The following WWC1 variants were observed in gnomAD, a reference collection of about 807,000 sequenced individuals.
The protein encoded by WWC1 is WW and C2 domain containing 1, also known as protein KIBRA.
Under a neutral mutation model 138.4 loss-of-function variants are expected in WWC1, and 55 were observed. That is an observed-to-expected ratio of 0.40 (90% confidence interval 0.32 to 0.50). The LOEUF (loss-of-function observed/expected upper bound fraction) is 0.50, where lower values mean the gene tolerates loss of function less well. Among genes scored for constraint, WWC1 ranks in the 20% least tolerant of loss-of-function variants. The probability of loss-of-function intolerance (pLI) is 0.72; values close to 1 mark genes in which losing one functional copy is unlikely to be tolerated. For synonymous variants in WWC1, 524 were observed against 564.9 expected (o/e 0.93, Z 1.03); for missense variants, 1,226 against 1,420.4 (o/e 0.86, Z 2.20).
chr5:168,336,466 G>T (rs1773462423), intron 1 of WWC1, among the ~76,000 whole-genome samples: 1 of 151,590 alleles, frequency 6.6e-6, no homozygotes, highest in South Asian at 2.1e-4. Context: ...CAGCTACTAG[G>T]GAGGCTGAGG....
intron 3 of WWC1, among the ~76,000 whole-genome samples, chr5:168,391,293 A>G (rs1363014465): frequency 2.0e-5 from 3 of 152,306 alleles, no homozygotes; most frequent in Admixed American, 2.0e-4. Context: ...CCAGTTACTC[A>G]GGAGGCTGAA....
chr5:168,327,484 A>G (rs964488250), intron 1 of WWC1, among the ~76,000 whole-genome samples: 2 of 152,226 alleles, frequency 1.3e-5, no homozygotes, highest in African/African-American at 4.8e-5. Context: ...TTCATGCCCA[A>G]TTGGCAAGTT....
intron 15 of WWC1, among the ~76,000 whole-genome samples, chr5:168,438,019 G>C (rs188628782): frequency 3.2e-4 from 48 of 152,262 alleles, no homozygotes; most frequent in Admixed American, 3.1e-3. Context: ...TTTATTCTGG[G>C]TGTCTGAAGT....
chr5:168,461,781 C>CAGGCGTG (rs1212561547), intron 20 of WWC1, among the ~76,000 whole-genome samples: 22 of 152,118 alleles, frequency 1.4e-4, no homozygotes. Flanking sequence ...AAAAAGGGGC[C>CAGGCGTG]AGGCGTGGTG....
intron 3 of WWC1, 128 bp from the exon 4 acceptor site, chr5:168,397,595 CT>C: frequency 1.1e-6 from 1 of 874,662 alleles, no homozygotes; most frequent in Admixed American, 2.1e-5. Context: ...ACAAATCCCC[CT>C]TTGTTGAACA....
intron 8 of WWC1, 108 bp downstream of exon 8, chr5:168,410,103 CA>C: frequency 9.2e-7 from 1 of 1,088,410 alleles, no homozygotes; most frequent in Non-Finnish European, 1.4e-6. Flanking sequence ...CTTTAATCCT[CA>C]CAAAGATTAT....
At chr5:168,399,678 GCT>G in intron 5 of WWC1, 111 bp downstream of exon 5, 2 of 1,057,068 alleles carry the variant, frequency 1.9e-6, no homozygotes, top group Non-Finnish European at 2.8e-6. Flanking sequence ...TCAAAATGTG[GCT>G]CTCTCATCAT....
chr5:168,373,271 GT>G (rs1452221375), intron 2 of WWC1, among the ~76,000 whole-genome samples: 2 of 152,102 alleles, frequency 1.3e-5, no homozygotes, highest in Non-Finnish European at 2.9e-5. Flanking sequence ...TCTGGGAGCT[GT>G]TGGAAAAATG....
rs1757534941 is a variant in WWC1 at position 168,468,945 on chromosome 5, T to C, written c.3276-6T>C. ...CCCTGCTCTAAAGGGATGGCCTCTC[T>C]TATAGGGAGAAGATGGCATTTTTCA... On this transcript the variant is annotated splice_polypyrimidine_tract_variant and splice_region_variant and intron_variant, in intron 22 of 22. Transcript: ENST00000265293. The C allele has an allele frequency of 6.2e-7, 1 of 1,614,188 alleles. No individual in the cohort carries two copies. The highest frequency in any genetic ancestry group is 2.2e-5 in the East Asian group (1 of 44,884).
At chr5:168,334,326 C>T (rs13173337) in intron 1 of WWC1, among the ~76,000 whole-genome samples, 129 of 152,256 alleles carry the variant, frequency 8.5e-4, no homozygotes, top group South Asian at 6.8e-3. Context: ...TCTCCGGCCC[C>T]ATCCTGTTTC....
At chr5:168,355,219 C>G (rs983165125) in intron 1 of WWC1, among the ~76,000 whole-genome samples, 1 of 152,038 alleles carries the variant, frequency 6.6e-6, no homozygotes, top group South Asian at 2.1e-4. Flanking sequence ...TCAGGCTGGG[C>G]GTGGTGGCTC....
intron 8 of WWC1, among the ~76,000 whole-genome samples, chr5:168,413,548 G>A (rs1272451923): frequency 6.6e-6 from 1 of 152,182 alleles, no homozygotes; most frequent in Non-Finnish European, 1.5e-5. Flanking sequence ...TCCTTTAACT[G>A]TTATTTAGTG....
chr5:168,433,536 A>G (rs1042507235), intron 15 of WWC1, among the ~76,000 whole-genome samples: 18 of 151,934 alleles, frequency 1.2e-4, no homozygotes, highest in Non-Finnish European at 7.4e-5. Context: ...AGCTCTTTAC[A>G]TGCATTATCT....
chr5:168,343,844 T>C (rs1403810857), intron 1 of WWC1, among the ~76,000 whole-genome samples: 2 of 151,834 alleles, frequency 1.3e-5, no homozygotes, highest in East Asian at 1.9e-4. Context: ...AGTTGAACTT[T>C]TGCTTCTGGG....
At chr5:168,413,756 G>A (rs1027590086) in intron 8 of WWC1, among the ~76,000 whole-genome samples, 1 of 152,126 alleles carries the variant, frequency 6.6e-6, no homozygotes, top group African/African-American at 2.4e-5. Context: ...TAGTCTTAGT[G>A]GTCCAGAACT....
At chr5:168,406,968 G>T (rs35943711) in intron 6 of WWC1, among the ~76,000 whole-genome samples, 18,538 of 148,710 alleles carry the variant, frequency 0.12, 1,209 homozygotes, top group Non-Finnish European at 0.13. Flanking sequence ...AATAAATAAA[G>T]AGAGAGAGAG....
chr5:168,399,944 A>G (rs377236908), intron 5 of WWC1, among the ~76,000 whole-genome samples: 30 of 152,284 alleles, frequency 2.0e-4, no homozygotes, highest in African/African-American at 7.2e-4. Flanking sequence ...CAAACAAAAT[A>G]CACTTCTTTT....
chr5:168,445,226 A>G (rs1755136726), intron 17 of WWC1, among the ~76,000 whole-genome samples: 1 of 152,044 alleles, frequency 6.6e-6, no homozygotes, highest in Non-Finnish European at 1.5e-5. Flanking sequence ...AGGCAGGAAA[A>G]TCACTTGAAC....
chr5:168,428,283 C>G (rs983466243), intron 12 of WWC1, 142 bp downstream of exon 12: 1 of 761,836 alleles, frequency 1.3e-6, no homozygotes, highest in African/African-American at 1.8e-5. Context: ...CCCCACCTTC[C>G]TCTTGGCTGC....
Sources: allele counts gnomAD v4.1 joint callset (sites outside exome capture counted in the v4.1 genomes callset), GRCh38; gene constraint gnomAD v4.1.1; transcripts MANE v1.5; gene names NCBI Gene and HGNC (gene_info 2026-07-23, HGNC 2026-07-21).